Variants in ARID5B observed in about 807,000 individuals in gnomAD.
ARID5B encodes the protein AT-rich interactive domain-containing protein 5B.
In ARID5B, 13 loss-of-function variants were observed where a neutral mutation model predicts 97.2. That is an observed-to-expected ratio of 0.13 (90% CI 0.09 to 0.21). The LOEUF (loss-of-function observed/expected upper bound fraction) is 0.21, where lower values mean the gene tolerates loss of function less well. Ranked by LOEUF, ARID5B falls within the 10% of genes least tolerant of loss-of-function variation. The pLI, the probability that ARID5B is intolerant of heterozygous loss-of-function variation, is 1.00. For synonymous variants in ARID5B, 556 were observed against 570.3 expected (o/e 0.97, Z 0.36); for missense variants, 1,210 against 1,465.3 (o/e 0.83, Z 2.84).
chr10:62,081,591 A>G (rs1419924249), intron 8 of ARID5B, among the ~76,000 whole-genome samples: 1 of 152,228 alleles, frequency 6.6e-6, no homozygotes, highest in Non-Finnish European at 1.5e-5. Context: ...GACATGTGTG[A>G]TACACACTTC....
chr10:61,924,202 T>C (rs1012312527), intron 2 of ARID5B, among the ~76,000 whole-genome samples: 2 of 152,194 alleles, frequency 1.3e-5, no homozygotes, highest in Non-Finnish European at 2.9e-5. Context: ...TTGTACAACC[T>C]CCCCGAGGAG....
chr10:61,954,921 G>A (rs556033152), intron 3 of ARID5B, among the ~76,000 whole-genome samples: 2 of 151,736 alleles, frequency 1.3e-5, no homozygotes, highest in South Asian at 2.1e-4. Context: ...CAGGAGAATC[G>A]CTTGAACCTG....
rs376461187 is a variant in ARID5B, at chr10:61,937,681, T to A, written c.277-2502T>A. Among the ~76,000 whole-genome samples the A allele has an allele frequency of 2.3e-4, 35 of 152,346 alleles. No homozygotes were observed. In the East Asian group the frequency reaches 3.5e-3, roughly 15 times the overall value. On this transcript the variant is annotated intron_variant, in intron 2 of 9. Transcript: ENST00000279873. The stretch of plus-strand genomic sequence containing the variant: ...CTCAGTTTGCAGAGAGCTAATGTAA[T>A]CATGAGATGAGCTTATTGAAATTCT...
At chr10:61,947,560 G>C (rs56285036) in intron 3 of ARID5B, among the ~76,000 whole-genome samples, 73,660 of 151,516 alleles carry the variant, frequency 0.49, 17,969 homozygotes, top group Non-Finnish European at 0.52. Flanking sequence ...GTGAGCCACT[G>C]TGTCCAACCC....
At chr10:61,913,331 C>T (rs1314474465) in intron 2 of ARID5B, among the ~76,000 whole-genome samples, 3 of 152,174 alleles carry the variant, frequency 2.0e-5, no homozygotes, top group South Asian at 2.1e-4. Context: ...AGAAGAATTG[C>T]CATGGTTATT....
intron 4 of ARID5B, among the ~76,000 whole-genome samples, chr10:62,010,567 A>G (rs866813865): frequency 9.9e-5 from 15 of 152,148 alleles, no homozygotes; most frequent in Admixed American, 2.0e-4. Context: ...TTGCCAGTTG[A>G]TTTCATTCTC....
At chr10:61,947,743 T>C (rs1256716407) in intron 3 of ARID5B, among the ~76,000 whole-genome samples, 4 of 152,190 alleles carry the variant, frequency 2.6e-5, no homozygotes, top group African/African-American at 9.7e-5. Context: ...GTAATATTCA[T>C]TTATGCTGTC....
chr10:62,045,684 C>T (rs1839698803), intron 4 of ARID5B, among the ~76,000 whole-genome samples: 2 of 152,108 alleles, frequency 1.3e-5, no homozygotes, highest in South Asian at 2.1e-4. Flanking sequence ...CTCCTGACCA[C>T]GTGATCCACC....
chr10:61,984,559 TG>T (rs1042845824), intron 3 of ARID5B, among the ~76,000 whole-genome samples: 9 of 151,392 alleles, frequency 5.9e-5, no homozygotes, highest in Admixed American at 5.9e-4. Context: ...AGGCAGCAGG[TG>T]GGGGGGGCCT....
At chr10:62,013,755 A>C (rs973564890) in intron 4 of ARID5B, among the ~76,000 whole-genome samples, 9 of 150,254 alleles carry the variant, frequency 6.0e-5, no homozygotes, top group Non-Finnish European at 1.2e-4. Flanking sequence ...ATGGTGGCAG[A>C]ATTTGCTTCT....
chr10:61,984,558 G>GT (rs1458618399), intron 3 of ARID5B, among the ~76,000 whole-genome samples: 3 of 152,176 alleles, frequency 2.0e-5, no homozygotes, highest in African/African-American at 4.8e-5. Flanking sequence ...GAGGCAGCAG[G>GT]TGGGGGGGGC....
chr10:61,997,074 T>C (rs1278854832), intron 3 of ARID5B, among the ~76,000 whole-genome samples: 3 of 152,068 alleles, frequency 2.0e-5, no homozygotes, highest in African/African-American at 7.2e-5. Flanking sequence ...TGGTTCTCGA[T>C]GGCACAGTAT....
intron 2 of ARID5B, among the ~76,000 whole-genome samples, chr10:61,929,407 T>C (rs991738026): frequency 6.6e-6 from 1 of 152,194 alleles, no homozygotes; most frequent in Non-Finnish European, 1.5e-5. Flanking sequence ...TAGGTGATTA[T>C]AGCTCTCCTT....
At chr10:61,927,791 T>A (rs552764543) in intron 2 of ARID5B, among the ~76,000 whole-genome samples, 1 of 152,350 alleles carries the variant, frequency 6.6e-6, no homozygotes, top group African/African-American at 2.4e-5. Context: ...TCTTTTGATA[T>A]CATCATTTCA....
In ARID5B at chr10:61,902,293, T is replaced by A; in HGVS notation, c.156T>A (p.Ile52=). ...TAAGATGTACGCCAAAGGATCCGAT[T>A]TGCATAGCGGAGCTCCAGCTGTTGT... ...FFVRCTPKDP[I]CIAELQLLWE... Residue 52 remains isoleucine (I), a synonymous_variant, in exon 2 of 10, where the codon ATT becomes ATA. Coordinates refer to ENST00000279873, the MANE Select transcript of ARID5B (RefSeq NM_032199.3). The A allele has an allele frequency of 3.7e-6, 6 of 1,614,178 alleles. No individual in the cohort carries two copies. Among genetic ancestry groups the A allele is most frequent in the Non-Finnish European group, 5.1e-6 (6 of 1,180,048 alleles).
intron 2 of ARID5B, among the ~76,000 whole-genome samples, chr10:61,938,276 T>C (rs1444924692): frequency 6.6e-6 from 1 of 152,230 alleles, no homozygotes; most frequent in Non-Finnish European, 1.5e-5. Context: ...AAGCAACTAG[T>C]AATTGAAATG....
intron 3 of ARID5B, among the ~76,000 whole-genome samples, chr10:61,981,850 A>T (rs942568153): frequency 1.3e-5 from 2 of 152,130 alleles, no homozygotes; most frequent in African/African-American, 4.8e-5. Flanking sequence ...GAAAAGAAAC[A>T]CCTCACCTAG....
Position 61,902,273 on chromosome 10 carries a change from T to C in ARID5B, c.136T>C (p.Cys46Arg). 1 of 1,614,164 alleles carries C rather than the reference T, an allele frequency of 6.2e-7. No individual in the cohort carries two copies. Among genetic ancestry groups the C allele is most frequent in the Non-Finnish European group, 8.5e-7 (1 of 1,180,028 alleles). The change falls in exon 2 of 10, where the codon TGT becomes CGT. Residue 46 changes from cysteine to arginine, a missense_variant. Cys to Arg is a radical substitution (Grantham distance 180). Coordinates refer to ENST00000279873, the MANE Select transcript of ARID5B (RefSeq NM_032199.3). ...LSLGDFFFVR[C>R]TPKDPICIAE... ...CCTTGGCGACTTTTTCTTTGTAAGA[T>C]GTACGCCAAAGGATCCGATTTGCAT... is the stretch of plus-strand genomic sequence containing the variant.
At chr10:62,044,509 T>C (rs2132922490) in intron 4 of ARID5B, among the ~76,000 whole-genome samples, 1 of 151,484 alleles carries the variant, frequency 6.6e-6, no homozygotes, top group Non-Finnish European at 1.5e-5. Context: ...GCCTCCCAAC[T>C]AGCTAGGACT....
Sources: gnomAD v4.1 joint callset for allele counts (sites outside exome capture counted in the v4.1 genomes callset) on GRCh38, gnomAD v4.1.1 for gene constraint, MANE v1.5 for transcripts, NCBI Gene and HGNC (gene_info 2026-07-23, HGNC 2026-07-21) for gene names.